SHROOM3: variants seen among roughly 807,000 people sequenced by gnomAD.
SHROOM3 encodes the protein shroom family member 3, also known as protein Shroom3.
In SHROOM3, 47 loss-of-function variants were observed where a neutral mutation model predicts 138.6. The observed-to-expected ratio is 0.34, with a 90% CI of 0.27 to 0.43. The LOEUF (loss-of-function observed/expected upper bound fraction) is 0.43, where lower values mean the gene tolerates loss of function less well. Ranked by LOEUF, SHROOM3 falls within the 20% of genes least tolerant of loss-of-function variation. SHROOM3 has a pLI of 1.00. For missense variants in SHROOM3, 2,491 were observed against 2,596.5 expected (o/e 0.96, Z 0.88); for synonymous variants, 1,062 against 1,063.3 (o/e 1.00, Z 0.02).
At chr4:76,663,240 G>C (rs1718591942) in intron 2 of SHROOM3, among the ~76,000 whole-genome samples, 2 of 152,016 alleles carry the variant, frequency 1.3e-5, no homozygotes, top group South Asian at 4.2e-4. Context: ...ACTGGGTAGG[G>C]AAGGAGCCAT....
chr4:76,695,116 G>A (rs1421604254), intron 2 of SHROOM3, among the ~76,000 whole-genome samples: 1 of 152,188 alleles, frequency 6.6e-6, no homozygotes, highest in Non-Finnish European at 1.5e-5. Flanking sequence ...TTGACTCCTT[G>A]AATATGTTCT....
chr4:76,748,834 TTTTA>T (rs1424072146), intron 5 of SHROOM3, among the ~76,000 whole-genome samples, 179 bp from the exon 6 acceptor site: 2 of 150,816 alleles, frequency 1.3e-5, no homozygotes, highest in African/African-American at 4.9e-5. Context: ...TTTTTTTTTT[TTTTA>T]AATCTTCGGC....
At chr4:76,509,898 C>T (rs1413682527) in intron 1 of SHROOM3, among the ~76,000 whole-genome samples, 1 of 152,132 alleles carries the variant, frequency 6.6e-6, no homozygotes, top group East Asian at 1.9e-4. Flanking sequence ...CTGAAATTCT[C>T]AGATATGTAT....
intron 2 of SHROOM3, among the ~76,000 whole-genome samples, chr4:76,646,549 C>T (rs1211967968): frequency 6.6e-6 from 1 of 152,020 alleles, no homozygotes; most frequent in South Asian, 2.1e-4. Flanking sequence ...CCATGTTGCT[C>T]TCAGACTGTG....
intron 1 of SHROOM3, among the ~76,000 whole-genome samples, chr4:76,457,681 G>T (rs1005722967): frequency 1.3e-5 from 2 of 151,650 alleles, no homozygotes; most frequent in Admixed American, 6.6e-5. Flanking sequence ...TAGTAGAGAC[G>T]GGGTTTCACC....
chr4:76,467,654 G>A (rs1302965498), intron 1 of SHROOM3, among the ~76,000 whole-genome samples: 1 of 152,146 alleles, frequency 6.6e-6, no homozygotes, highest in Non-Finnish European at 1.5e-5. Context: ...CCTTACAAGT[G>A]AAGTCACTGC....
At chr4:76,562,374 A>G (rs1467148217) in intron 2 of SHROOM3, among the ~76,000 whole-genome samples, 2 of 152,184 alleles carry the variant, frequency 1.3e-5, no homozygotes, top group Non-Finnish European at 2.9e-5. Flanking sequence ...TTAGAATGGA[A>G]TGGGATGGTT....
At chr4:76,750,094 C>T (rs755455568) in intron 6 of SHROOM3, among the ~76,000 whole-genome samples, 16 of 152,174 alleles carry the variant, frequency 1.1e-4, no homozygotes, top group Non-Finnish European at 2.1e-4. Flanking sequence ...TACCTGCTTT[C>T]TAGCCAAGAT....
chr4:76,672,445 C>T (rs1444674385), intron 2 of SHROOM3, among the ~76,000 whole-genome samples: 7 of 149,882 alleles, frequency 4.7e-5, no homozygotes, highest in South Asian at 2.1e-4. Context: ...AAAAGAATAC[C>T]GTTTCTCTCT....
At chr4:76,635,393 C>T (rs1449465464) in intron 2 of SHROOM3, among the ~76,000 whole-genome samples, 1 of 152,212 alleles carries the variant, frequency 6.6e-6, no homozygotes, top group Non-Finnish European at 1.5e-5. Flanking sequence ...TGGGACCTGA[C>T]ATGAGCTGGT....
rs1722750628 is a variant in SHROOM3, at chr4:76,782,197, G to A, written c.*3020G>A. The A allele has an allele frequency of 6.6e-6, 1 of 152,182 alleles. No homozygotes were observed. The highest frequency in any genetic ancestry group is 6.5e-5 in the Admixed American group (1 of 15,286). 9.4% of individuals were successfully genotyped at this position (152,182 alleles called of 1,614,324 possible). ...TGAAGGGAGGATCCACAGTGAAAGT[G>A]CCTGAGTTTCTCTATGAGACCAGAT... is the stretch of plus-strand genomic sequence containing the variant. On this transcript the variant is annotated 3_prime_UTR_variant, in exon 11 of 11. Transcript: ENST00000296043.
intron 3 of SHROOM3, among the ~76,000 whole-genome samples, chr4:76,711,738 C>A (rs1284945951): frequency 1.3e-5 from 2 of 151,678 alleles, no homozygotes; most frequent in Non-Finnish European, 2.9e-5. Context: ...TTTAGACTAT[C>A]CATGTTCAAT....
intron 1 of SHROOM3, among the ~76,000 whole-genome samples, chr4:76,522,054 G>T (rs958666608): frequency 1.3e-5 from 2 of 151,130 alleles, no homozygotes; most frequent in African/African-American, 4.9e-5. Context: ...CTTTTAAAAT[G>T]TCAATGTCTT....
At chr4:76,518,274 G>A (rs1196651500) in intron 1 of SHROOM3, among the ~76,000 whole-genome samples, 1 of 152,116 alleles carries the variant, frequency 6.6e-6, no homozygotes, top group Non-Finnish European at 1.5e-5. Context: ...AACCCCCCAA[G>A]AGCAGGGACT....
intron 1 of SHROOM3, among the ~76,000 whole-genome samples, chr4:76,547,549 C>T (rs1429304856): frequency 2.0e-5 from 3 of 152,114 alleles, no homozygotes; most frequent in Non-Finnish European, 2.9e-5. Context: ...GGGGATACAG[C>T]AGTAAACAAG....
At chr4:76,734,617 C>A (rs895355868) in intron 4 of SHROOM3, among the ~76,000 whole-genome samples, 1 of 151,170 alleles carries the variant, frequency 6.6e-6, no homozygotes, top group African/African-American at 2.4e-5. Flanking sequence ...CTCAAGCGAT[C>A]CTCCCGCCTC....
intron 2 of SHROOM3, among the ~76,000 whole-genome samples, chr4:76,614,539 G>C (rs748700298): frequency 3.9e-5 from 6 of 151,986 alleles, no homozygotes; most frequent in Non-Finnish European, 8.8e-5. Context: ...TTGTTACATA[G>C]GTATATATGT....
intron 2 of SHROOM3, chr4:76,573,727 G>A (rs1188601619): frequency 6.5e-6 from 1 of 152,740 alleles, no homozygotes; most frequent in Non-Finnish European, 1.5e-5. Context: ...ATGCCCCTGG[G>A]ATTGCTGGCA....
intron 1 of SHROOM3, among the ~76,000 whole-genome samples, chr4:76,535,529 T>C (rs1732933163): frequency 6.6e-6 from 1 of 152,208 alleles, no homozygotes. Flanking sequence ...TAATAATACT[T>C]AAGGGGCTGC....
Sources: gnomAD v4.1 joint callset for allele counts (sites outside exome capture counted in the v4.1 genomes callset) on GRCh38, gnomAD v4.1.1 for gene constraint, MANE v1.5 for transcripts, NCBI Gene and HGNC (gene_info 2026-07-23, HGNC 2026-07-21) for gene names.